PRTG: variants seen among roughly 807,000 people sequenced by gnomAD.
PRTG encodes the protein immunoglobulin superfamily, DCC subclass, member 5.
PRTG carries 67 observed loss-of-function variants against 122.5 expected under a neutral mutation model. That is an observed-to-expected ratio of 0.55 (90% CI 0.45 to 0.67). PRTG has a LOEUF of 0.67. Ranked by LOEUF, PRTG falls within the 30% of genes least tolerant of loss-of-function variation. The probability of loss-of-function intolerance (pLI) is 0.00; values close to 1 mark genes in which losing one functional copy is unlikely to be tolerated. For synonymous variants in PRTG, 554 were observed against 501.1 expected, an observed-to-expected ratio of 1.11 and a Z score of -1.41; for missense variants, 1,435 against 1,415.4, an observed-to-expected ratio of 1.01 and a Z score of -0.22.
chr15:55,731,519 C>T (rs2031233048), intron 2 of PRTG, among the ~76,000 whole-genome samples: 2 of 151,392 alleles, frequency 1.3e-5, no homozygotes, highest in Non-Finnish European at 2.9e-5. Context: ...TACAGGCACA[C>T]ACCACCACAC....
intron 2 of PRTG, among the ~76,000 whole-genome samples, chr15:55,726,176 C>T (rs889470424): frequency 9.9e-5 from 15 of 152,064 alleles, no homozygotes; most frequent in Non-Finnish European, 1.3e-4. Flanking sequence ...CTTTTGACCT[C>T]GTAATCCAAC....
intron 9 of PRTG, among the ~76,000 whole-genome samples, chr15:55,674,966 G>A (rs946141479): frequency 2.0e-5 from 3 of 152,038 alleles, no homozygotes. Flanking sequence ...ACCATTATAA[G>A]AATAATATGA....
chr15:55,646,732 G>A (rs2059326525), intron 11 of PRTG, among the ~76,000 whole-genome samples: 1 of 152,170 alleles, frequency 6.6e-6, no homozygotes, highest in South Asian at 2.1e-4. Flanking sequence ...GAAGGGTTAG[G>A]AAAGAAAGCT....
chr15:55,667,292 T>C (rs537057430), intron 11 of PRTG, among the ~76,000 whole-genome samples: 278 of 152,214 alleles, frequency 1.8e-3, no homozygotes, highest in Non-Finnish European at 3.3e-3. Flanking sequence ...TATTTTTCAT[T>C]AGAGGTAGCT....
chr15:55,625,489 C>T (rs1366426159), intron 17 of PRTG, among the ~76,000 whole-genome samples: 3 of 151,678 alleles, frequency 2.0e-5, no homozygotes, highest in Non-Finnish European at 4.4e-5. Context: ...TCTCACTCTG[C>T]TGCCCAGGGT....
chr15:55,659,818 C>CT (rs1459504316), intron 11 of PRTG, among the ~76,000 whole-genome samples: 6 of 151,968 alleles, frequency 3.9e-5, no homozygotes, highest in Admixed American at 1.3e-4. Context: ...ACTTGGGAGG[C>CT]TGAGGCAGGA....
chr15:55,671,957 T>A (rs975121309), intron 11 of PRTG, among the ~76,000 whole-genome samples: 1 of 152,184 alleles, frequency 6.6e-6, no homozygotes, highest in Non-Finnish European at 1.5e-5. Context: ...TTCTCCAGTG[T>A]TCCTGGGTTA....
At chr15:55,628,670 T>C in intron 16 of PRTG, 152 bp downstream of exon 16, 1 of 574,666 alleles carries the variant, frequency 1.7e-6, no homozygotes, top group Non-Finnish European at 2.9e-6. Flanking sequence ...GGAAAAGCCA[T>C]GCAACTCTAT....
intron 11 of PRTG, among the ~76,000 whole-genome samples, chr15:55,662,732 A>G (rs1368501820): frequency 6.6e-6 from 1 of 152,216 alleles, no homozygotes; most frequent in African/African-American, 2.4e-5. Context: ...AGTAAGAGAA[A>G]TTTCAATGAG....
chr15:55,729,597 A>T (rs1412109173), intron 2 of PRTG, among the ~76,000 whole-genome samples: 1 of 144,404 alleles, frequency 6.9e-6, no homozygotes, highest in Admixed American at 6.7e-5. Flanking sequence ...GAAAAAAAAT[A>T]AAATAAAATA....
Position 55,615,372 on chromosome 15 carries a change from A to T in PRTG, c.*4640T>A, listed in dbSNP as rs1198279363. The T allele has an allele frequency of 6.6e-6, 1 of 152,130 alleles. No homozygotes were observed. The highest frequency in any genetic ancestry group is 1.5e-5 in the Non-Finnish European group (1 of 67,988). The allele number at this position is 152,130 out of a possible 1,614,324, so 9.4% of individuals were successfully genotyped here. On this transcript the variant is annotated 3_prime_UTR_variant, in exon 20 of 20. Transcript: ENST00000389286. ...ATACAGTATCTGGTAAAAATACAAG[A>T]CTGTCATGTTAATCTTAAACACCAT...
intron 11 of PRTG, among the ~76,000 whole-genome samples, chr15:55,641,575 T>A (rs2059290667): frequency 6.6e-6 from 1 of 152,152 alleles, no homozygotes; most frequent in Admixed American, 6.5e-5. Context: ...TTTGTAGAAG[T>A]TTTTCGTTTA....
At chr15:55,741,677 C>A (rs1241498940) in intron 1 of PRTG, among the ~76,000 whole-genome samples, 1 of 152,188 alleles carries the variant, frequency 6.6e-6, no homozygotes, top group Non-Finnish European at 1.5e-5. Flanking sequence ...TCCTCCTGAT[C>A]GTTGTGGATC....
chr15:55,652,603 C>A (rs535828133), intron 11 of PRTG, among the ~76,000 whole-genome samples: 1 of 152,124 alleles, frequency 6.6e-6, no homozygotes, highest in East Asian at 1.9e-4. Flanking sequence ...TGGGTCATGG[C>A]CTCTGACATA....
chr15:55,651,534 T>C (rs147552390), intron 11 of PRTG, among the ~76,000 whole-genome samples: 112 of 152,304 alleles, frequency 7.4e-4, no homozygotes, highest in Non-Finnish European at 1.3e-3. Context: ...TGATTGAAGA[T>C]GAACTAAGAT....
chr15:55,667,344 A>T (rs985537497), intron 11 of PRTG, among the ~76,000 whole-genome samples: 1 of 152,070 alleles, frequency 6.6e-6, no homozygotes, highest in African/African-American at 2.4e-5. Context: ...TTACTATCTT[A>T]ATGTAATAGT....
intron 15 of PRTG, among the ~76,000 whole-genome samples, chr15:55,632,199 C>T (rs1035886343): frequency 6.6e-5 from 10 of 152,202 alleles, no homozygotes; most frequent in Non-Finnish European, 1.2e-4. Context: ...TTCACACTTT[C>T]AAAACCAAAC....
intron 16 of PRTG, among the ~76,000 whole-genome samples, chr15:55,627,714 A>G (rs1324920446): frequency 6.6e-6 from 1 of 152,190 alleles, no homozygotes; most frequent in African/African-American, 2.4e-5. Flanking sequence ...AATTTATAAA[A>G]CAGGTACAAA....
chr15:55,656,225 A>G (rs965436220), intron 11 of PRTG: 50 of 388,752 alleles, frequency 1.3e-4, no homozygotes, highest in Non-Finnish European at 2.2e-4. Context: ...CACGCTCCAC[A>G]TCGTGTCTCC....
Sources: gnomAD v4.1 joint callset for allele counts (sites outside exome capture counted in the v4.1 genomes callset) on GRCh38, gnomAD v4.1.1 for gene constraint, MANE v1.5 for transcripts, NCBI Gene and HGNC (gene_info 2026-07-23, HGNC 2026-07-21) for gene names.